Variants in GSE1 observed in about 807,000 individuals in gnomAD.
GSE1 encodes Gse1 coiled-coil protein, also known as genetic suppressor element 1.
GSE1 carries 32 observed loss-of-function variants against 112.6 expected under a neutral mutation model. That is an observed-to-expected ratio of 0.28 (90% confidence interval 0.21 to 0.38). The LOEUF (loss-of-function observed/expected upper bound fraction) is 0.38. GSE1 is among the 10% of genes least tolerant of loss of function. The probability of loss-of-function intolerance (pLI) is 1.00; values close to 1 mark genes in which losing one functional copy is unlikely to be tolerated. For missense variants in GSE1, 2,348 were observed against 1,699.2 expected (o/e 1.38, Z -6.71); for synonymous variants, 1,115 against 735.6 (o/e 1.52, Z -8.35).
intron 1 of GSE1, among the ~76,000 whole-genome samples, chr16:85,294,700 A>T (rs1357642908): frequency 6.4e-5 from 1 of 15,586 alleles, no homozygotes; most frequent in African/African-American, 2.4e-4. Context: ...CCCACCCCCC[A>T]CCAAAACCCT....
chr16:85,234,556 A>C (rs1032425656), intron 1 of GSE1, among the ~76,000 whole-genome samples: 18 of 152,136 alleles, frequency 1.2e-4, no homozygotes, highest in Admixed American at 2.6e-4. Flanking sequence ...GATGCCTGCC[A>C]AGCACTTTCC....
chr16:85,290,048 C>T (rs887677911), intron 1 of GSE1, among the ~76,000 whole-genome samples: 1 of 152,168 alleles, frequency 6.6e-6, no homozygotes, highest in Admixed American at 6.5e-5. Context: ...GTGCAGAACC[C>T]AGCGGGGAAG....
intron 2 of GSE1, among the ~76,000 whole-genome samples, chr16:85,465,168 C>G (rs1198298607): frequency 1.3e-5 from 2 of 152,244 alleles, no homozygotes; most frequent in African/African-American, 4.8e-5. Flanking sequence ...TGTGGGACGG[C>G]CCCTGGTTCC....
intron 2 of GSE1, among the ~76,000 whole-genome samples, chr16:85,503,530 G>C (rs1276105085): frequency 6.6e-6 from 1 of 152,148 alleles, no homozygotes; most frequent in African/African-American, 2.4e-5. Context: ...CGGGGCCTCT[G>C]GCCCTGCTGG....
At chr16:85,594,233 T>TGG (rs1193602830) in intron 1 of GSE1, 24 of 24,040 alleles carry the variant, frequency 1.0e-3, no homozygotes, top group Admixed American at 3.5e-3. Context: ...CCTGGGGGGT[T>TGG]GGGGGGGGGG....
intron 1 of GSE1, among the ~76,000 whole-genome samples, chr16:85,288,101 G>A (rs146487490): frequency 0.014 from 2,161 of 152,174 alleles, 51 homozygotes; most frequent in African/African-American, 0.048. Flanking sequence ...TTAGCTTGAT[G>A]TGGTGGCGTG....
intron 2 of GSE1, among the ~76,000 whole-genome samples, chr16:85,406,912 T>G (rs1597635924): frequency 2.3e-4 from 1 of 4,330 alleles, no homozygotes; most frequent in African/African-American, 2.6e-3. Context: ...GCCCCCCGGA[T>G]AATCCTCACT....
intron 2 of GSE1, among the ~76,000 whole-genome samples, chr16:85,452,304 A>C (rs4783206): frequency 0.91 from 139,185 of 152,134 alleles, 64,945 homozygotes; most frequent in East Asian, 1. Flanking sequence ...AACCCTCATG[A>C]GCTGGGACGT....
At chr16:85,486,841 C>T (rs1597918793) in intron 2 of GSE1, among the ~76,000 whole-genome samples, 2 of 152,200 alleles carry the variant, frequency 1.3e-5, no homozygotes, top group Non-Finnish European at 2.9e-5. Flanking sequence ...GGGGCCTCGC[C>T]GGTGCCTGGT....
rs2053047579 is a variant in GSE1, at chr16:85,668,298, T to C, written c.3289T>C (p.Leu1097=). ...AAGGAAGGGCCCCCCAACCCAGGAG[T>C]TGGACCGGGACTCGGAGGAGGAGGA... ...TARKGPPTQE[L]DRDSEEEEEE... is the part of the protein sequence containing the mutation. The change falls in exon 14 of 16, where the codon TTG becomes CTG. Residue 1097 remains leucine, a synonymous_variant. Transcript: ENST00000253458. 1.9e-6 allele frequency: 3 copies of C among 1,612,206 alleles called. No homozygotes were observed. The highest frequency in any genetic ancestry group is 1.3e-5 in the African/African-American group (1 of 74,692).
chr16:85,657,118 A>T (rs1308137167), intron 7 of GSE1, among the ~76,000 whole-genome samples, 159 bp from the exon 8 acceptor site: 1 of 152,160 alleles, frequency 6.6e-6, no homozygotes, highest in Non-Finnish European at 1.5e-5. Context: ...GCTTCTTGAA[A>T]GCTCCCGTAG....
intron 2 of GSE1, among the ~76,000 whole-genome samples, chr16:85,452,616 T>A (rs551662325): frequency 1.3e-5 from 2 of 152,310 alleles, no homozygotes; most frequent in East Asian, 3.9e-4. Context: ...CGGAATCCCC[T>A]GCCCCAGTGG....
chr16:85,256,510 G>A (rs565419943), intron 1 of GSE1, among the ~76,000 whole-genome samples: 1 of 152,204 alleles, frequency 6.6e-6, no homozygotes, highest in Non-Finnish European at 1.5e-5. Context: ...GTGCTCACTC[G>A]GGGTCAGGGC....
intron 1 of GSE1, among the ~76,000 whole-genome samples, chr16:85,308,686 G>T (rs761190652): frequency 6.6e-6 from 1 of 151,904 alleles, no homozygotes; most frequent in African/African-American, 2.4e-5. Flanking sequence ...AAAACACATT[G>T]CCTGGGGAAG....
rs182482225 is a variant in GSE1, at chr16:85,633,549, G to A, written c.8-365G>A. Among the ~76,000 whole-genome samples the A allele has an allele frequency of 2.3e-4, 35 of 152,294 alleles. No homozygotes were observed. The East Asian group carries it at 4.3e-3, about 19-fold the overall frequency. On this transcript the variant is annotated intron_variant, in intron 1 of 15. Transcript: ENST00000253458. ...CGGGCCGCACGCCTCCTCCGCCTGG[G>A]CCTCAGTCTCCTTCCCCACGCCATT...
chr16:85,657,234 C>T (rs757337598), intron 7 of GSE1, 43 bp from the exon 8 acceptor site: 20 of 1,349,852 alleles, frequency 1.5e-5, no homozygotes, highest in Middle Eastern at 2.4e-4. Context: ...AGCATGCTGG[C>T]CCACGTGGCT....
intron 1 of GSE1, among the ~76,000 whole-genome samples, chr16:85,260,723 T>C (rs912582555): frequency 1.3e-5 from 2 of 152,240 alleles, no homozygotes; most frequent in Non-Finnish European, 2.9e-5. Context: ...TGCTCCCTAC[T>C]CCAGGGAGCT....
chr16:85,420,111 G>GGGT (rs869139432), intron 2 of GSE1, among the ~76,000 whole-genome samples: 2 of 28,612 alleles, frequency 7.0e-5, no homozygotes, highest in African/African-American at 1.0e-4. Context: ...CAGGCCAGAC[G>GGGT]GGTGGTGGCT....
intron 5 of GSE1, 65 bp downstream of exon 5, chr16:85,655,056 G>A: frequency 6.6e-6 from 7 of 1,056,294 alleles, no homozygotes; most frequent in Non-Finnish European, 8.5e-6. Context: ...ATGGAACCTG[G>A]CGGGGAAGGT....
Sources: allele counts gnomAD v4.1 joint callset (sites outside exome capture counted in the v4.1 genomes callset), GRCh38; gene constraint gnomAD v4.1.1; transcripts MANE v1.5; gene names NCBI Gene and HGNC (gene_info 2026-07-23, HGNC 2026-07-21).